The following INCA1 variants were observed in gnomAD, a reference collection of about 807,000 sequenced individuals.
INCA1 encodes inhibitor of CDK, cyclin A1 interacting protein 1, also known as protein INCA1.
Under a neutral mutation model 25.7 loss-of-function variants are expected in INCA1, and 28 were observed. That is an observed-to-expected ratio of 1.09 (90% CI 0.81 to 1.49). INCA1 has a LOEUF of 1.49. Among genes scored for constraint, INCA1 ranks in the 40% most tolerant of loss-of-function variants. INCA1 has a pLI of 0.00. For synonymous variants in INCA1, 111 were observed against 103.6 expected (o/e 1.07, Z -0.43); for missense variants, 309 against 290.9 (o/e 1.06, Z -0.45).
At chr17:4,996,583 G>A (rs1974284565) in intron 1 of INCA1, among the ~76,000 whole-genome samples, 1 of 148,428 alleles carries the variant, frequency 6.7e-6, no homozygotes, top group Non-Finnish European at 1.5e-5. Context: ...TCGGGAGGCT[G>A]AGGCAGGAGA....
At chr17:4,991,214 G>C (rs183987849) in intron 2 of INCA1, among the ~76,000 whole-genome samples, 1 of 152,060 alleles carries the variant, frequency 6.6e-6, no homozygotes, top group Non-Finnish European at 1.5e-5. Context: ...CATTGTGCCC[G>C]GCCTAATCTC....
rs759142459 is a variant in INCA1, at chr17:4,988,535, C to G, written c.581G>C (p.Ser194Thr). ...ACAAGCCTCCTCCTGATCCAGGGGGCTCCAGGGAGACCAAAGCAGCTGTCA... is the reference window on the plus strand; with the variant it reads ...ACAAGCCTCCTCCTGATCCAGGGGGGTCCAGGGAGACCAAAGCAGCTGTCA... Residue 194 changes from serine (S) to threonine (T), a missense_variant, in exon 7 of 7, where the codon AGC becomes ACC. Ser to Thr is a moderately conservative substitution (Grantham distance 58, BLOSUM62 1). Coordinates refer to ENST00000576820, the Ensembl canonical transcript of INCA1. 6.2e-7 allele frequency: 1 copy of G among 1,611,968 alleles called. No homozygotes were observed. Among genetic ancestry groups the G allele is most frequent in the Admixed American group, 1.7e-5 (1 of 59,262 alleles).
At chr17:4,993,768 T>A (rs1362833679) in intron 2 of INCA1, among the ~76,000 whole-genome samples, 1 of 73,466 alleles carries the variant, frequency 1.4e-5, no homozygotes, top group Non-Finnish European at 2.5e-5. Context: ...GTGCCTGGCC[T>A]TTTTTTTTTT....
At chr17:4,993,767 CTTTTT>C (rs934109564) in intron 2 of INCA1, among the ~76,000 whole-genome samples, 2 of 97,322 alleles carry the variant, frequency 2.1e-5, no homozygotes, top group African/African-American at 4.4e-5. Context: ...CGTGCCTGGC[CTTTTT>C]TTTTTTTTTT....
chr17:4,989,335 TCCCCTCAAAGCTGTCAA>T, intron 5 of INCA1, 76 bp downstream of exon 5: 1 of 1,218,424 alleles, frequency 8.2e-7, no homozygotes, highest in Middle Eastern at 2.3e-4. Flanking sequence ...CCCTCAAACC[TCCCCTCAAAGCTGTCAA>T]CCCCTTCCTT....
chr17:4,992,510 C>T (rs1359871566), intron 2 of INCA1, among the ~76,000 whole-genome samples: 1 of 152,176 alleles, frequency 6.6e-6, no homozygotes, highest in Non-Finnish European at 1.5e-5. Context: ...TCTCCAATTC[C>T]TGAGCTCAAG....
intron 2 of INCA1, among the ~76,000 whole-genome samples, chr17:4,991,358 G>A (rs1973863053): frequency 6.6e-6 from 1 of 152,194 alleles, no homozygotes. Flanking sequence ...TAAAGAGGAA[G>A]GCCTTGGCTA....
chr17:4,995,091 G>C (rs1004938249), intron 1 of INCA1, among the ~76,000 whole-genome samples: 2 of 151,938 alleles, frequency 1.3e-5, no homozygotes, highest in African/African-American at 4.8e-5. Context: ...TGTAATCCCA[G>C]CTACTCCGGA....
chr17:4,988,716 C>G, intron 6 of INCA1, 63 bp downstream of exon 6: 1 of 1,594,198 alleles, frequency 6.3e-7, no homozygotes, highest in Non-Finnish European at 8.6e-7. Context: ...GCTTCTGCAT[C>G]TCCATGCAAG....
chr17:4,992,007 A>G (rs1375159085), intron 2 of INCA1, among the ~76,000 whole-genome samples: 2 of 152,076 alleles, frequency 1.3e-5, no homozygotes, highest in Non-Finnish European at 2.9e-5. Context: ...TATTCTGCAC[A>G]GAACTGTGAG....
In INCA1 at chr17:4,992,949, G is replaced by A. The variant is rs868538239; in HGVS notation, c.44+1445C>T. Among the ~76,000 whole-genome samples the A allele has an allele frequency of 2.6e-5, 4 of 151,050 alleles. No homozygotes were observed. In the East Asian group the frequency reaches 7.8e-4, roughly 30 times the overall value. ...GGCTGGAGTGCAATGGCACAGTCTC[G>A]GCTCACTGCACCCTCTGCCTCCCAT... On this transcript the variant is annotated intron_variant, in intron 2 of 6. Transcript: ENST00000576820.
chr17:4,994,364 C>T (rs1188612773), intron 2 of INCA1, 30 bp downstream of exon 2: 4 of 1,610,780 alleles, frequency 2.5e-6, no homozygotes, highest in African/African-American at 1.3e-5. Flanking sequence ...CATCCCATCC[C>T]CATGCTCCCC....
chr17:4,988,606 C>G lies in INCA1; in HGVS notation c.562-52G>C, dbSNP rs780146862. 5.6e-6 allele frequency: 9 copies of G among 1,601,550 alleles called. No individual in the cohort carries two copies. The African/African-American group carries it at 1.1e-4, about 19-fold the overall frequency. ...GAAAATGGAAAAGTAGGTCTTCTTT[C>G]CAGATTTCCTAGTACCCAAGCTTAG... On this transcript the variant is annotated intron_variant, in intron 6 of 6. Coordinates refer to ENST00000576820, the Ensembl canonical transcript of INCA1.
chr17:4,990,818 G>A (rs1452315072), intron 2 of INCA1, among the ~76,000 whole-genome samples: 2 of 150,432 alleles, frequency 1.3e-5, no homozygotes, highest in African/African-American at 4.9e-5. Context: ...GGGAGGAGGA[G>A]GTTGCAGTGA....
At position 4,994,659 on chromosome 17, in the gene INCA1, G is replaced by A. The variant is rs936008985; in HGVS notation, c.-38-184C>T. Among the ~76,000 whole-genome samples, 7 of 151,996 alleles carry A rather than the reference G, an allele frequency of 4.6e-5. No homozygotes were observed. The South Asian group carries it at 1.2e-3, about 27-fold the overall frequency. On this transcript the variant is annotated intron_variant, in intron 1 of 6. Coordinates refer to ENST00000576820, the Ensembl canonical transcript of INCA1. ...ACAAACATTAGTCGGGTGTGGTGGC[G>A]CGCGCCTATAGTCCCAGCTACCCAG...
intron 1 of INCA1, among the ~76,000 whole-genome samples, chr17:4,996,254 G>A (rs1255353316): frequency 6.6e-6 from 1 of 151,782 alleles, no homozygotes; most frequent in African/African-American, 2.4e-5. Flanking sequence ...AGGTGTGGTG[G>A]TGTGCGCTTG....
rs371664302 is a variant in INCA1, at chr17:4,988,439, G to A, written c.677C>T (p.Pro226Leu). ...AGACGCTGCCAACTCCATCCCCCAGGGATTGTGAAGGGGGTTCCTTCTGGC... is the reference window on the plus strand; with the variant it reads ...AGACGCTGCCAACTCCATCCCCCAGAGATTGTGAAGGGGGTTCCTTCTGGC... The change falls in exon 7 of 7, where the codon CCC becomes CTC. Residue 226 changes from proline to leucine, a missense_variant. Coordinates refer to ENST00000576820, the Ensembl canonical transcript of INCA1. 1.9e-5 allele frequency: 30 copies of A among 1,612,268 alleles called. No homozygotes were observed. In the African/African-American group the frequency reaches 3.9e-4, roughly 21 times the overall value.
chr17:4,991,148 C>G (rs1433144575), intron 2 of INCA1, among the ~76,000 whole-genome samples: 2 of 151,912 alleles, frequency 1.3e-5, no homozygotes. Context: ...GAACTCCTGA[C>G]CTCAGGTGAT....
exon 2 of INCA1, chr17:4,994,401 A>G (rs1974084927): frequency 6.2e-7 from 1 of 1,613,640 alleles, no homozygotes; most frequent in Admixed American, 1.7e-5. Context: ...CACTTGGCAA[A>G]GGGGATGAGG....
Sources: gnomAD v4.1 joint callset for allele counts (sites outside exome capture counted in the v4.1 genomes callset) on GRCh38, gnomAD v4.1.1 for gene constraint, MANE v1.5 for transcripts, NCBI Gene and HGNC (gene_info 2026-07-23, HGNC 2026-07-21) for gene names.